Variants in RLF observed in about 807,000 individuals in gnomAD.
RLF encodes the protein RLF zinc finger.
Under a neutral mutation model 162.9 loss-of-function variants are expected in RLF, and 7 were observed. The ratio of observed to expected loss-of-function variants is 0.04; its 90% confidence interval spans 0.02 to 0.08. RLF has a LOEUF of 0.08. Ranked by LOEUF, RLF falls within the 10% of genes least tolerant of loss-of-function variation. The pLI is 1.00. For synonymous variants in RLF, 782 were observed against 791.5 expected, an observed-to-expected ratio of 0.99 and a Z score of 0.20; for missense variants, 1,664 against 2,244.7, an observed-to-expected ratio of 0.74 and a Z score of 5.23.
intron 5 of RLF, among the ~76,000 whole-genome samples, chr1:40,220,452 C>T (rs1642977250): frequency 6.6e-6 from 1 of 152,174 alleles, no homozygotes. Flanking sequence ...TTCATTCCTA[C>T]TCATCTTAGG....
intron 5 of RLF, among the ~76,000 whole-genome samples, chr1:40,217,929 T>C (rs1473480673): frequency 6.6e-6 from 1 of 152,216 alleles, no homozygotes; most frequent in Non-Finnish European, 1.5e-5. Context: ...GTGTAACGTG[T>C]ATGTAGACAT....
rs1370870617 is a variant in RLF at position 40,235,971 on chromosome 1, G to A, written c.1269G>A (p.Leu423=). The change falls in exon 8 of 8, where the codon TTG becomes TTA. Residue 423 remains leucine (L), a synonymous_variant. Coordinates refer to ENST00000372771, the MANE Select transcript of RLF (RefSeq NM_012421.4). ...CAGAATTCTTAATTGAACCCAGTTT[G>A]GATGGATTTAATATGTTAGAAGAAC... ...QLTEFLIEPS[L]DGFNMLEELY... 1 of 1,613,708 alleles carries A rather than the reference G, an allele frequency of 6.2e-7. No individual in the cohort carries two copies. Among genetic ancestry groups the A allele is most frequent in the African/African-American group, 1.3e-5 (1 of 74,868 alleles).
intron 1 of RLF, among the ~76,000 whole-genome samples, chr1:40,174,798 G>T (rs1642296779): frequency 6.6e-6 from 1 of 152,144 alleles, no homozygotes; most frequent in Non-Finnish European, 1.5e-5. Context: ...GGAAACTACT[G>T]ATTAGAACTG....
rs1236779990 is a variant in RLF, at chr1:40,231,572, A to C, written c.1003A>C (p.Thr335Pro). ...LQRRIDPSLD[T>P]FLERCRQFGV... The stretch of plus-strand genomic sequence containing the variant: ...AAGAAGAATTGACCCTTCTTTAGAT[A>C]CTTTTTTGGAGCGCTGTCGTCAGTT... The change falls in exon 7 of 8, where the codon ACT becomes CCT. Residue 335 changes from threonine (T) to proline (P), a missense_variant. By Grantham distance (38) the Thr-to-Pro change is conservative. Around this residue, in one of 15 missense-constraint regions of RLF, gnomAD observed 287 missense variants for 404.9 expected, o/e 0.71. Transcript: ENST00000372771. 1 of 1,613,900 alleles carries C rather than the reference A, an allele frequency of 6.2e-7. No individual in the cohort carries two copies. The highest frequency in any genetic ancestry group is 1.7e-5 in the Admixed American group (1 of 59,972).
chr1:40,220,543 A>G (rs949017652), intron 5 of RLF, among the ~76,000 whole-genome samples: 2 of 151,520 alleles, frequency 1.3e-5, no homozygotes, highest in Non-Finnish European at 2.9e-5. Flanking sequence ...TAAAAAGTAT[A>G]CTCTCTCATT....
At chr1:40,211,279 C>T (rs927968389) in intron 5 of RLF, among the ~76,000 whole-genome samples, 1 of 152,222 alleles carries the variant, frequency 6.6e-6, no homozygotes, top group Non-Finnish European at 1.5e-5. Context: ...TGAAGCCAAG[C>T]TGATAATGTT....
chr1:40,177,506 G>A (rs1642344098), intron 1 of RLF, among the ~76,000 whole-genome samples: 1 of 151,814 alleles, frequency 6.6e-6, no homozygotes, highest in African/African-American at 2.4e-5. Context: ...TGTTAGCCAG[G>A]ATGGGGTCTA....
intron 5 of RLF, among the ~76,000 whole-genome samples, chr1:40,216,457 C>T (rs917178202): frequency 1.3e-5 from 2 of 150,260 alleles, no homozygotes; most frequent in East Asian, 2.0e-4. Context: ...CATTGCACTC[C>T]AGCTTGGGCA....
intron 7 of RLF, 49 bp downstream of exon 7, chr1:40,231,707 G>A (rs779655790): frequency 1.3e-6 from 2 of 1,514,460 alleles, no homozygotes; most frequent in Non-Finnish European, 1.8e-6. Context: ...GGAAAGAAAT[G>A]AGTGGGAAGA....
intron 4 of RLF, among the ~76,000 whole-genome samples, chr1:40,196,051 G>A (rs897546186): frequency 3.3e-5 from 5 of 151,438 alleles, no homozygotes; most frequent in African/African-American, 1.2e-4. Flanking sequence ...TTGGTGTGTG[G>A]TAGAGCTTTG....
chr1:40,167,507 C>T (rs1204899116), intron 1 of RLF, among the ~76,000 whole-genome samples: 1 of 152,040 alleles, frequency 6.6e-6, no homozygotes, highest in African/African-American at 2.4e-5. Context: ...GTACTGTGAC[C>T]TCTAGTGGTT....
intron 1 of RLF, among the ~76,000 whole-genome samples, chr1:40,171,550 T>C (rs544693519): frequency 6.6e-6 from 1 of 152,320 alleles, no homozygotes; most frequent in South Asian, 2.1e-4. Flanking sequence ...ATGTTTAAAA[T>C]ATATAAAGTA....
At chr1:40,208,553 G>A (rs146196441) in intron 5 of RLF, among the ~76,000 whole-genome samples, 2 of 152,282 alleles carry the variant, frequency 1.3e-5, no homozygotes, top group African/African-American at 4.8e-5. Context: ...GGTGGCTCAT[G>A]ACTGTAATCC....
intron 1 of RLF, among the ~76,000 whole-genome samples, chr1:40,175,916 C>G (rs1282720740): frequency 6.6e-6 from 1 of 151,982 alleles, no homozygotes; most frequent in Non-Finnish European, 1.5e-5. Context: ...CTTTCTTACC[C>G]TCCTCTTGTA....
At chr1:40,207,133 A>G (rs1431808611) in intron 5 of RLF, among the ~76,000 whole-genome samples, 1 of 152,238 alleles carries the variant, frequency 6.6e-6, no homozygotes, top group Non-Finnish European at 1.5e-5. Flanking sequence ...CTCCGGAAGG[A>G]CAGGAACATA....
intron 6 of RLF, among the ~76,000 whole-genome samples, chr1:40,226,351 T>TA (rs746939304): frequency 5.1e-4 from 78 of 152,270 alleles, no homozygotes; most frequent in South Asian, 2.5e-3. Context: ...TGTTTGTATA[T>TA]AGAGAGGTGT....
intron 1 of RLF, among the ~76,000 whole-genome samples, chr1:40,176,019 A>G (rs1642320902): frequency 6.6e-6 from 1 of 152,156 alleles, no homozygotes; most frequent in African/African-American, 2.4e-5. Flanking sequence ...CTATAATCAT[A>G]TAGTCTCTCT....
intron 1 of RLF, among the ~76,000 whole-genome samples, chr1:40,167,800 C>T (rs1223985164): frequency 6.6e-6 from 1 of 151,218 alleles, no homozygotes; most frequent in Non-Finnish European, 1.5e-5. Context: ...TACCTAGTGC[C>T]TAGTCTCTAA....
At chr1:40,199,600 C>A (rs188009029) in intron 4 of RLF, among the ~76,000 whole-genome samples, 9 of 152,164 alleles carry the variant, frequency 5.9e-5, no homozygotes, top group Non-Finnish European at 1.2e-4. Context: ...CACTATAATC[C>A]CTTATCACTG....
Sources: allele counts gnomAD v4.1 joint callset (sites outside exome capture counted in the v4.1 genomes callset), GRCh38; gene constraint gnomAD v4.1.1; regional missense constraint gnomAD v4.1.1; transcripts MANE v1.5; gene names NCBI Gene and HGNC (gene_info 2026-07-23, HGNC 2026-07-21).